Variants in SFMBT1 observed in about 807,000 individuals in gnomAD.
The protein encoded by SFMBT1 is Scm like with four mbt domains 1.
SFMBT1 carries 32 observed loss-of-function variants against 108.7 expected under a neutral mutation model. The observed-to-expected ratio is 0.29, with a 90% CI of 0.22 to 0.40. SFMBT1 has a LOEUF of 0.40. SFMBT1 is among the 10% of genes least tolerant of loss of function. The pLI, the probability that SFMBT1 is intolerant of heterozygous loss-of-function variation, is 1.00. For synonymous variants in SFMBT1, 348 were observed against 369.5 expected (o/e 0.94, Z 0.67); for missense variants, 816 against 1,059.6 (o/e 0.77, Z 3.19).
chr3:52,930,262 C>A, intron 8 of SFMBT1, 67 bp downstream of exon 8: 1 of 958,950 alleles, frequency 1.0e-6, no homozygotes, highest in South Asian at 1.3e-5. Flanking sequence ...AAGATCAAAA[C>A]ACTACCCATT....
intron 2 of SFMBT1, among the ~76,000 whole-genome samples, chr3:52,966,624 C>CAAAAAAAAAA (rs35044878): frequency 2.1e-5 from 1 of 48,402 alleles, no homozygotes; most frequent in Non-Finnish European, 3.7e-5. Flanking sequence ...GACTCAGTCT[C>CAAAAAAAAAA]AAAAAAAAAA....
At chr3:53,002,276 G>A (rs1468340874) in intron 1 of SFMBT1, among the ~76,000 whole-genome samples, 3 of 148,990 alleles carry the variant, frequency 2.0e-5, no homozygotes, top group Non-Finnish European at 4.5e-5. Context: ...GCGGGCACCT[G>A]TAGTCCCAGC....
intron 9 of SFMBT1, among the ~76,000 whole-genome samples, chr3:52,927,856 A>C (rs1575379064): frequency 6.6e-6 from 1 of 151,812 alleles, no homozygotes; most frequent in Non-Finnish European, 1.5e-5. Flanking sequence ...ATCCAAGCTC[A>C]CCCCTCTGCC....
At position 52,984,726 on chromosome 3, in the gene SFMBT1, CTGTGTGTGTGTG is replaced by C. The variant is rs57308874; in HGVS notation, c.-130-15480_-130-15469del. On this transcript the variant is annotated intron_variant, in intron 1 of 20. Transcript: ENST00000394752. ...TATATACTGAATACTATACTAAATA[CTGTGTGTGTGTG>C]TGTGTGTGTGTGTGTGTGTGTGTGT... is the stretch of plus-strand genomic sequence containing the variant. Among the ~76,000 whole-genome samples the C allele has an allele frequency of 2.7e-3, 383 of 140,240 alleles. 2 individuals carry two copies. The highest frequency in any genetic ancestry group is 8.4e-3 in the African/African-American group (314 of 37,370). 92.0% of individuals were successfully genotyped at this position (140,240 alleles called of 152,430 possible). A position where few individuals can be genotyped will look rare whatever the true frequency, so the allele number is the denominator to read the frequency against.
intron 1 of SFMBT1, among the ~76,000 whole-genome samples, chr3:53,004,741 C>G (rs1426944377): frequency 6.7e-6 from 1 of 150,086 alleles, no homozygotes. Context: ...CCCCTAAAGC[C>G]TTCAGGAGCC....
chr3:52,959,492 G>A (rs1484624977), intron 2 of SFMBT1, among the ~76,000 whole-genome samples: 2 of 151,964 alleles, frequency 1.3e-5, no homozygotes, highest in Non-Finnish European at 2.9e-5. Flanking sequence ...CACCACACTC[G>A]GGTGACAATG....
intron 1 of SFMBT1, chr3:53,043,301 A>AT (rs1296437751): frequency 5.3e-5 from 8 of 151,968 alleles, no homozygotes; most frequent in Admixed American, 4.6e-4. Context: ...AGTCATGCTG[A>AT]TTTTTTTAAT....
intron 8 of SFMBT1, among the ~76,000 whole-genome samples, chr3:52,928,974 G>A (rs558325587): frequency 6.6e-6 from 1 of 151,786 alleles, no homozygotes; most frequent in Non-Finnish European, 1.5e-5. Context: ...CAAAGTGCTG[G>A]GATTACATGC....
At chr3:52,984,611 G>A (rs1704837294) in intron 1 of SFMBT1, among the ~76,000 whole-genome samples, 7 of 151,566 alleles carry the variant, frequency 4.6e-5, no homozygotes, top group Admixed American at 4.6e-4. Flanking sequence ...TTTAATGTAT[G>A]TCTTTCAATA....
intron 10 of SFMBT1, among the ~76,000 whole-genome samples, chr3:52,925,578 G>A (rs1702635004): frequency 1.3e-5 from 2 of 152,228 alleles, no homozygotes; most frequent in African/African-American, 2.4e-5. Flanking sequence ...ACAGGAAGTA[G>A]TTATTTCTGG....
At chr3:53,005,267 C>T (rs917375863) in intron 1 of SFMBT1, among the ~76,000 whole-genome samples, 1 of 152,172 alleles carries the variant, frequency 6.6e-6, no homozygotes, top group Non-Finnish European at 1.5e-5. Flanking sequence ...ATAGGCTGTA[C>T]GCATGATGGG....
chr3:52,954,196 A>G, intron 3 of SFMBT1, 121 bp downstream of exon 3: 1 of 734,776 alleles, frequency 1.4e-6, no homozygotes, highest in Non-Finnish European at 2.2e-6. Context: ...GGAGGAAAGA[A>G]AAAGCTCTTA....
At chr3:52,928,564 G>A (rs1702732667) in intron 8 of SFMBT1, 1 of 279,284 alleles carries the variant, frequency 3.6e-6, no homozygotes, top group African/African-American at 2.8e-5. Context: ...AATGAGGTAA[G>A]TACATATACA....
At chr3:52,937,016 T>C (rs1368037041) in intron 4 of SFMBT1, among the ~76,000 whole-genome samples, 1 of 151,694 alleles carries the variant, frequency 6.6e-6, no homozygotes, top group African/African-American at 2.4e-5. Flanking sequence ...TAATTGTTTG[T>C]ATTTTTAGCA....
intron 3 of SFMBT1, 107 bp from the exon 4 acceptor site, chr3:52,943,700 A>G: frequency 7.1e-7 from 1 of 1,409,776 alleles, no homozygotes; most frequent in Non-Finnish European, 9.9e-7. Flanking sequence ...AAATGCAATA[A>G]CATCTCAAGG....
intron 1 of SFMBT1, among the ~76,000 whole-genome samples, chr3:53,010,195 G>A (rs549778865): frequency 4.6e-5 from 7 of 152,314 alleles, no homozygotes; most frequent in African/African-American, 1.7e-4. Flanking sequence ...AAACTCAAAT[G>A]GATTCTCTCA....
At chr3:52,940,998 G>A (rs111261823) in intron 4 of SFMBT1, among the ~76,000 whole-genome samples, 1 of 152,266 alleles carries the variant, frequency 6.6e-6, no homozygotes, top group African/African-American at 2.4e-5. Context: ...AGAATGACTG[G>A]CCTGTACTCT....
At chr3:53,026,797 G>A (rs1257753829) in intron 1 of SFMBT1, among the ~76,000 whole-genome samples, 2 of 152,194 alleles carry the variant, frequency 1.3e-5, no homozygotes, top group Non-Finnish European at 2.9e-5. Flanking sequence ...TTTGAGAAGG[G>A]ATTTTTTTTC....
Position 53,030,414 on chromosome 3 carries a change from CA to C in SFMBT1, c.-131+15401del, listed in dbSNP as rs570753601. ...AAGGAATACACTCTTTTTTGATATT[CA>C]AAAAAAAATTTTACTATGTATGTGT... On this transcript the variant is annotated intron_variant, in intron 1 of 20. Coordinates refer to ENST00000394752, the MANE Select transcript of SFMBT1 (RefSeq NM_016329.4). Among the ~76,000 whole-genome samples the C allele has an allele frequency of 8.7e-5, 13 of 150,186 alleles. No homozygotes were observed. The South Asian group carries it at 2.1e-3, about 24-fold the overall frequency.
Sources: gnomAD v4.1 joint callset for allele counts (sites outside exome capture counted in the v4.1 genomes callset) on GRCh38, gnomAD v4.1.1 for gene constraint, MANE v1.5 for transcripts, NCBI Gene and HGNC (gene_info 2026-07-23, HGNC 2026-07-21) for gene names.